The following OTUD3 variants were observed in gnomAD, a reference collection of about 807,000 sequenced individuals.
The protein encoded by OTUD3 is OTU deubiquitinase 3, also known as OTU domain-containing protein 3.
Under a neutral mutation model 46.2 loss-of-function variants are expected in OTUD3, and 24 were observed. The ratio of observed to expected loss-of-function variants is 0.52; its 90% confidence interval spans 0.38 to 0.73. OTUD3 has a LOEUF of 0.73. Ranked by LOEUF, OTUD3 falls within the 30% of genes least tolerant of loss-of-function variation. The probability of loss-of-function intolerance (pLI) is 0.00; values close to 1 mark genes in which losing one functional copy is unlikely to be tolerated. For synonymous variants in OTUD3, 189 were observed against 195.4 expected, an observed-to-expected ratio of 0.97 and a Z score of 0.27; for missense variants, 455 against 523.3, an observed-to-expected ratio of 0.87 and a Z score of 1.27.
intron 1 of OTUD3, among the ~76,000 whole-genome samples, chr1:19,889,489 CAGTT>C (rs1048609359): frequency 6.6e-6 from 1 of 152,088 alleles, no homozygotes; most frequent in African/African-American, 2.4e-5. Context: ...GAAGAGTAAA[CAGTT>C]GGGTGTAAAA....
rs138156686 is a variant in OTUD3 at position 19,902,187 on chromosome 1, A to G, written c.607-2080A>G. On this transcript the variant is annotated intron_variant, in intron 4 of 7. Transcript: ENST00000375120. ...TCTCTGACAAATGTTTTTTTCTTAAATGGTCATCCTAGTTAGTATCTTAAA... is the reference window on the plus strand; with the variant it reads ...TCTCTGACAAATGTTTTTTTCTTAAGTGGTCATCCTAGTTAGTATCTTAAA... Among the ~76,000 whole-genome samples, 57 of 152,190 alleles carry G rather than the reference A, an allele frequency of 3.7e-4. 1 individual carries two copies. The highest frequency in any genetic ancestry group is 1.3e-3 in the African/African-American group (56 of 41,536).
intron 1 of OTUD3, among the ~76,000 whole-genome samples, chr1:19,883,548 T>G (rs2045306588): frequency 6.6e-6 from 1 of 152,190 alleles, no homozygotes; most frequent in African/African-American, 2.4e-5. Flanking sequence ...AATAACAGCC[T>G]GGCTTTTGTT....
In OTUD3 at chr1:19,882,426, G is replaced by A. The variant is rs996702671; in HGVS notation, c.-88G>A. ...TAGTCGTCGCCGGGCTCCGTTGCCC[G>A]CGCTGTTTTACCTTCCCAACGCTTG... is the stretch of plus-strand genomic sequence containing the variant. On this transcript the variant is annotated 5_prime_UTR_variant, in exon 1 of 8. Coordinates refer to ENST00000375120, the MANE Select transcript of OTUD3 (RefSeq NM_015207.2). The A allele has an allele frequency of 7.7e-7, 1 of 1,300,220 alleles. No individual in the cohort carries two copies. The highest frequency in any genetic ancestry group is 2.3e-5 in the South Asian group (1 of 43,172). The allele number at this position is 1,300,220 out of a possible 1,614,324, so 80.5% of individuals were successfully genotyped here.
At chr1:19,890,631 A>G (rs1223278239) in intron 2 of OTUD3, 98 bp downstream of exon 2, 33 of 1,055,286 alleles carry the variant, frequency 3.1e-5, no homozygotes, top group Non-Finnish European at 3.7e-5. Context: ...GTTTGGTTAT[A>G]TAAATCACGA....
intron 4 of OTUD3, among the ~76,000 whole-genome samples, chr1:19,899,707 C>T (rs1232313636): frequency 6.6e-6 from 1 of 152,230 alleles, no homozygotes; most frequent in African/African-American, 2.4e-5. Flanking sequence ...TTTAAACTCC[C>T]ACCTGCAATA....
chr1:19,904,426 T>C (rs1336092893), intron 5 of OTUD3, 28 bp downstream of exon 5: 1 of 1,597,940 alleles, frequency 6.3e-7, no homozygotes, highest in East Asian at 2.2e-5. Flanking sequence ...GCAGGAATGA[T>C]TTAGAAGCAA....
chr1:19,884,710 C>T (rs1340951986), intron 1 of OTUD3, among the ~76,000 whole-genome samples: 1 of 152,206 alleles, frequency 6.6e-6, no homozygotes. Context: ...GAAAACTCCA[C>T]TGCACTTGTG....
At chr1:19,885,740 C>T (rs761606765) in intron 1 of OTUD3, among the ~76,000 whole-genome samples, 4 of 152,196 alleles carry the variant, frequency 2.6e-5, no homozygotes, top group Non-Finnish European at 5.9e-5. Context: ...AGGTGTGAGC[C>T]ACCGCGCCTG....
rs371043039 is a variant in OTUD3, at chr1:19,911,388, A to ATTTTTTTTT, written c.*3653_*3661dup. ...TTATGTTTTCCTGGCTCTAAAGTAA[A>ATTTTTTTTT]TTTTTTTTTTTTTTTTTTTGAGACA... is the stretch of plus-strand genomic sequence containing the variant. On this transcript the variant is annotated 3_prime_UTR_variant, in exon 8 of 8. Coordinates refer to ENST00000375120, the MANE Select transcript of OTUD3 (RefSeq NM_015207.2). The ATTTTTTTTT allele has an allele frequency of 7.7e-6, 1 of 130,506 alleles. No homozygotes were observed. Among genetic ancestry groups the ATTTTTTTTT allele is most frequent in the Admixed American group, 7.8e-5 (1 of 12,742 alleles). 8.1% of individuals were successfully genotyped at this position (130,506 alleles called of 1,614,324 possible).
chr1:19,906,271 TC>T (rs770481655), intron 6 of OTUD3, among the ~76,000 whole-genome samples, 160 bp from the exon 7 acceptor site: 1 of 152,264 alleles, frequency 6.6e-6, no homozygotes, highest in Non-Finnish European at 1.5e-5. Flanking sequence ...AACTTTTTCT[TC>T]CTATGTTTCC....
intron 6 of OTUD3, among the ~76,000 whole-genome samples, chr1:19,905,507 C>A (rs949066024): frequency 2.6e-5 from 4 of 151,962 alleles, no homozygotes; most frequent in Non-Finnish European, 5.9e-5. Context: ...CTTTGGGAGG[C>A]TGAGGCAGGT....
chr1:19,907,525 G>T (rs2045677068), intron 7 of OTUD3, 45 bp from the exon 8 acceptor site: 1 of 1,589,144 alleles, frequency 6.3e-7, no homozygotes, highest in African/African-American at 1.3e-5. Flanking sequence ...GTGGCAGCTT[G>T]AGTCCCCCGT....
At chr1:19,902,458 G>A (rs2045603876) in intron 4 of OTUD3, among the ~76,000 whole-genome samples, 2 of 152,258 alleles carry the variant, frequency 1.3e-5, no homozygotes, top group South Asian at 2.1e-4. Context: ...ACCCACCTCG[G>A]CCTCCCAAAG....
chr1:19,903,674 C>T (rs182374511), intron 4 of OTUD3, among the ~76,000 whole-genome samples: 3 of 152,152 alleles, frequency 2.0e-5, no homozygotes, highest in African/African-American at 7.2e-5. Context: ...TCTCATGGAT[C>T]CCAAGTGAAC....
chr1:19,897,393 T>C, intron 3 of OTUD3, 147 bp from the exon 4 acceptor site: 1 of 616,838 alleles, frequency 1.6e-6, no homozygotes, highest in Admixed American at 3.2e-5. Context: ...AGTTTGGAAA[T>C]TGCTTGTGAC....
chr1:19,882,521 G>C lies in OTUD3; in HGVS notation c.8G>C (p.Arg3Pro). 7.4e-7 allele frequency: 1 copy of C among 1,346,080 alleles called. No individual in the cohort carries two copies. Among genetic ancestry groups the C allele is most frequent in the Non-Finnish European group, 9.5e-7 (1 of 1,057,022 alleles). The allele number at this position is 1,346,080 out of a possible 1,614,324, so 83.4% of individuals were successfully genotyped here. A position where few individuals can be genotyped will look rare whatever the true frequency, so the allele number is the denominator to read the frequency against. Residue 3 changes from arginine to proline, a missense_variant, in exon 1 of 8, where the codon CGA (arginine) becomes CCA (proline). Physicochemically the swap from Arg to Pro is moderately radical, Grantham distance 103 (BLOSUM62 -2). Coordinates refer to ENST00000375120, the MANE Select transcript of OTUD3 (RefSeq NM_015207.2). Reference protein sequence around the residue: MSRKQAAKSRPGS... With the variant: MSPKQAAKSRPGS... ...GGACTGCAGGCTAAGGCCATGTCCC[G>C]AAAGCAGGCGGCGAAGAGCCGGCCG...
At chr1:19,887,846 C>T (rs2045389928) in intron 1 of OTUD3, among the ~76,000 whole-genome samples, 3 of 152,112 alleles carry the variant, frequency 2.0e-5, no homozygotes, top group Admixed American at 6.5e-5. Context: ...TGGTCTGACC[C>T]CAAATAATAA....
intron 1 of OTUD3, among the ~76,000 whole-genome samples, chr1:19,890,032 T>C (rs532784843): frequency 6.6e-6 from 1 of 152,340 alleles, no homozygotes; most frequent in South Asian, 2.1e-4. Flanking sequence ...ATCATAGCCC[T>C]TAGGCATGGA....
intron 6 of OTUD3, 73 bp downstream of exon 6, chr1:19,905,060 A>T: frequency 4.7e-6 from 4 of 859,006 alleles, no homozygotes; most frequent in Non-Finnish European, 7.6e-6. Context: ...TTATTTTTTA[A>T]CCAAGTCACA....
Sources: gnomAD v4.1 joint callset for allele counts (sites outside exome capture counted in the v4.1 genomes callset) on GRCh38, gnomAD v4.1.1 for gene constraint, MANE v1.5 for transcripts, NCBI Gene and HGNC (gene_info 2026-07-23, HGNC 2026-07-21) for gene names.